GRID2: variants seen among roughly 807,000 people sequenced by gnomAD.
GRID2 encodes glutamate ionotropic receptor delta type subunit 2, also known as glutamate receptor ionotropic, delta-2.
GRID2 carries 33 observed loss-of-function variants against 114.8 expected under a neutral mutation model. The observed-to-expected ratio is 0.29, with a 90% CI of 0.22 to 0.38. The LOEUF is 0.38. GRID2 is among the 10% of genes least tolerant of loss of function. The pLI is 1.00. For missense variants in GRID2, 1,184 were observed against 1,257.7 expected (o/e 0.94, Z 0.89); for synonymous variants, 505 against 449.9 (o/e 1.12, Z -1.55).
intron 2 of GRID2, among the ~76,000 whole-genome samples, chr4:92,917,896 T>G (rs923557359): frequency 6.6e-6 from 1 of 152,190 alleles, no homozygotes; most frequent in African/African-American, 2.4e-5. Context: ...AGAAAGTCAT[T>G]GGTAGCTTAA....
chr4:93,068,316 C>T (rs982065652), intron 2 of GRID2, among the ~76,000 whole-genome samples: 3 of 151,912 alleles, frequency 2.0e-5, no homozygotes, highest in Non-Finnish European at 4.4e-5. Context: ...TCACTGTGTA[C>T]AAGTATGTGT....
At chr4:93,402,814 A>G (rs1766025541) in intron 9 of GRID2, among the ~76,000 whole-genome samples, 1 of 152,168 alleles carries the variant, frequency 6.6e-6, no homozygotes, top group South Asian at 2.1e-4. Flanking sequence ...GCTAGCTTTA[A>G]ATAGACTCTA....
intron 2 of GRID2, among the ~76,000 whole-genome samples, chr4:92,944,771 G>A (rs1178023688): frequency 6.6e-6 from 1 of 152,004 alleles, no homozygotes; most frequent in Non-Finnish European, 1.5e-5. Flanking sequence ...TATTTTATTT[G>A]TAAAACACTT....
intron 2 of GRID2, among the ~76,000 whole-genome samples, chr4:93,044,598 A>G (rs978297725): frequency 6.6e-6 from 1 of 152,172 alleles, no homozygotes; most frequent in African/African-American, 2.4e-5. Flanking sequence ...AAGAGAAAAT[A>G]GGAGATTTTG....
chr4:93,224,230 A>G (rs1579340485), intron 6 of GRID2, among the ~76,000 whole-genome samples: 1 of 152,212 alleles, frequency 6.6e-6, no homozygotes, highest in East Asian at 1.9e-4. Context: ...AAAACTTAAC[A>G]TATTCAGAAA....
chr4:93,190,785 T>C (rs1437940867), intron 4 of GRID2, among the ~76,000 whole-genome samples: 1 of 152,090 alleles, frequency 6.6e-6, no homozygotes, highest in East Asian at 1.9e-4. Flanking sequence ...TTAATCATAA[T>C]TCATATTGGA....
At chr4:93,757,638 C>G (rs957846487) in intron 14 of GRID2, among the ~76,000 whole-genome samples, 2 of 152,198 alleles carry the variant, frequency 1.3e-5, no homozygotes, top group African/African-American at 4.8e-5. Flanking sequence ...ATCCAAGGAA[C>G]AGTTTTGGGA....
At chr4:92,741,150 A>G (rs1308373566) in intron 2 of GRID2, among the ~76,000 whole-genome samples, 2 of 152,138 alleles carry the variant, frequency 1.3e-5, no homozygotes, top group Non-Finnish European at 2.9e-5. Flanking sequence ...CTTACTTTGG[A>G]TATAGTAAAT....
intron 1 of GRID2, among the ~76,000 whole-genome samples, chr4:92,371,465 G>C (rs781325571): frequency 3.3e-5 from 5 of 152,018 alleles, no homozygotes; most frequent in Non-Finnish European, 7.4e-5. Flanking sequence ...AAAATCCTAG[G>C]GGTCTTAAGA....
At chr4:92,551,574 T>C (rs1047410095) in intron 1 of GRID2, among the ~76,000 whole-genome samples, 4 of 152,140 alleles carry the variant, frequency 2.6e-5, no homozygotes, top group African/African-American at 9.7e-5. Context: ...TAATCATTCA[T>C]TTATGCATCT....
intron 1 of GRID2, among the ~76,000 whole-genome samples, chr4:92,323,916 A>G (rs1171546847): frequency 3.9e-5 from 6 of 152,170 alleles, no homozygotes; most frequent in South Asian, 2.1e-4. Context: ...TACTAAAAAT[A>G]GGAATTATAT....
At chr4:92,898,647 T>G (rs1295511599) in intron 2 of GRID2, among the ~76,000 whole-genome samples, 1 of 152,134 alleles carries the variant, frequency 6.6e-6, no homozygotes, top group East Asian at 1.9e-4. Flanking sequence ...TTTGGGTAGT[T>G]CAGATTTTAA....
chr4:92,741,221 A>G (rs1736879817), intron 2 of GRID2, among the ~76,000 whole-genome samples: 1 of 152,154 alleles, frequency 6.6e-6, no homozygotes, highest in Admixed American at 6.5e-5. Context: ...GGGGAAAGTG[A>G]TTATTCCTAT....
At chr4:92,906,084 A>T (rs1198309637) in intron 2 of GRID2, among the ~76,000 whole-genome samples, 4 of 152,162 alleles carry the variant, frequency 2.6e-5, no homozygotes, top group Non-Finnish European at 5.9e-5. Context: ...TATGTTTGGT[A>T]CAGATTAGCT....
intron 10 of GRID2, among the ~76,000 whole-genome samples, chr4:93,431,625 G>A (rs1769418299): frequency 6.6e-6 from 1 of 152,120 alleles, no homozygotes; most frequent in Non-Finnish European, 1.5e-5. Flanking sequence ...AAACTTGGAT[G>A]TGAAAAGGTG....
chr4:93,381,474 G>A (rs1263383141), intron 8 of GRID2, among the ~76,000 whole-genome samples: 14 of 152,156 alleles, frequency 9.2e-5, no homozygotes, highest in Non-Finnish European at 1.2e-4. Flanking sequence ...ATGGCTTATA[G>A]CATTTTTGTC....
At chr4:93,550,473 G>T (rs1733651492) in intron 13 of GRID2, among the ~76,000 whole-genome samples, 1 of 152,140 alleles carries the variant, frequency 6.6e-6, no homozygotes, top group Admixed American at 6.5e-5. Flanking sequence ...ATGACCCTTT[G>T]ATCAGCAACA....
At chr4:92,591,383 A>G (rs1728700537) in intron 2 of GRID2, among the ~76,000 whole-genome samples, 1 of 152,194 alleles carries the variant, frequency 6.6e-6, no homozygotes, top group African/African-American at 2.4e-5. Context: ...ATTTTGATGT[A>G]GCAGCCTAAA....
intron 8 of GRID2, among the ~76,000 whole-genome samples, chr4:93,248,903 T>C (rs1189748228): frequency 1.3e-5 from 2 of 152,234 alleles, no homozygotes; most frequent in East Asian, 3.8e-4. Flanking sequence ...CCATTGGAGC[T>C]ATTTAGACAT....
Sources: gnomAD v4.1 joint callset for allele counts (sites outside exome capture counted in the v4.1 genomes callset) on GRCh38, gnomAD v4.1.1 for gene constraint, MANE v1.5 for transcripts, NCBI Gene and HGNC (gene_info 2026-07-23, HGNC 2026-07-21) for gene names.